The following PAFAH2 variants were observed in gnomAD, a reference collection of about 807,000 sequenced individuals.
PAFAH2 encodes the protein platelet-activating factor acetylhydrolase 2, cytoplasmic.
Under a neutral mutation model 49.0 loss-of-function variants are expected in PAFAH2, and 42 were observed. That is an observed-to-expected ratio of 0.86 (90% CI 0.67 to 1.11). The LOEUF (loss-of-function observed/expected upper bound fraction) is 1.11, where lower values mean the gene tolerates loss of function less well. Ranked by LOEUF, PAFAH2 falls within the 50% of genes least tolerant of loss-of-function variation. The pLI is 0.00. For missense variants in PAFAH2, 503 were observed against 501.8 expected, an observed-to-expected ratio of 1.00 and a Z score of -0.02; for synonymous variants, 184 against 181.3, an observed-to-expected ratio of 1.01 and a Z score of -0.12.
At chr1:25,964,328 T>C (rs1215614168) in intron 10 of PAFAH2, 1 of 152,260 alleles carries the variant, frequency 6.6e-6, no homozygotes, top group Admixed American at 6.5e-5. Flanking sequence ...AATACCATGA[T>C]TGAGGAAGCC....
intron 10 of PAFAH2, among the ~76,000 whole-genome samples, chr1:25,962,693 T>C (rs1362565646): frequency 6.6e-6 from 1 of 151,820 alleles, no homozygotes; most frequent in Non-Finnish European, 1.5e-5. Context: ...GGTATGGTGG[T>C]GTGTGCCTGA....
intron 3 of PAFAH2, 57 bp from the exon 4 acceptor site, chr1:25,988,384 G>T: frequency 7.5e-7 from 1 of 1,326,528 alleles, no homozygotes; most frequent in Non-Finnish European, 1.1e-6. Context: ...TATCCCAAGG[G>T]CAGCCTGAGT....
At chr1:25,989,920 G>A (rs1454598333) in intron 2 of PAFAH2, among the ~76,000 whole-genome samples, 2 of 152,156 alleles carry the variant, frequency 1.3e-5, no homozygotes, top group Non-Finnish European at 1.5e-5. Context: ...GCCTAGAGGA[G>A]CCCCAGGAGT....
intron 6 of PAFAH2, 71 bp from the exon 7 acceptor site, chr1:25,982,548 A>G: frequency 8.4e-7 from 1 of 1,194,736 alleles, no homozygotes; most frequent in African/African-American, 1.5e-5. Context: ...CCTCACGTAC[A>G]GAGCCAAGGA....
At chr1:25,963,935 C>T (rs1274373212) in intron 10 of PAFAH2, among the ~76,000 whole-genome samples, 3 of 152,288 alleles carry the variant, frequency 2.0e-5, no homozygotes, top group East Asian at 3.9e-4. Flanking sequence ...AGGAGCAGTG[C>T]AAAGGCCCTA....
At chr1:25,993,391 G>A (rs556677730) in intron 1 of PAFAH2, among the ~76,000 whole-genome samples, 5 of 152,078 alleles carry the variant, frequency 3.3e-5, no homozygotes, top group African/African-American at 7.2e-5. Context: ...CCTTCTCCGC[G>A]TACATACACG....
chr1:25,963,292 G>A (rs576698785), intron 10 of PAFAH2, among the ~76,000 whole-genome samples: 1 of 152,186 alleles, frequency 6.6e-6, no homozygotes, highest in African/African-American at 2.4e-5. Flanking sequence ...TCTGTTCTTT[G>A]AGCTAAAAAT....
In PAFAH2 at chr1:25,972,709, AC is replaced by A. The variant is rs773308241; in HGVS notation, c.932del (p.Gly311ValfsTer13). The A allele has an allele frequency of 6.2e-7, 1 of 1,613,952 alleles. No individual in the cohort carries two copies. Among genetic ancestry groups the A allele is most frequent in the African/African-American group, 1.3e-5 (1 of 75,048 alleles). On this transcript the variant is annotated frameshift_variant and splice_region_variant, in exon 10 of 11. Coordinates refer to ENST00000374282, the MANE Select transcript of PAFAH2 (RefSeq NM_000437.4). LOFTEE classifies it high-confidence loss of function. The part of the protein sequence containing the change: ...HEQSRIITVL[G>X]SVHRSQTDFA... ...AGTCAGTTTGACTCCGATGAACAGA[AC>A]CACTAGGGGAAAAGAAAAACAACTG... is the stretch of plus-strand genomic sequence containing the variant.
intron 4 of PAFAH2, 22 bp from the exon 5 acceptor site, chr1:25,984,550 A>C (rs766215656): frequency 1.3e-6 from 2 of 1,599,414 alleles, no homozygotes; most frequent in Admixed American, 3.3e-5. Flanking sequence ...AAAAGGAACA[A>C]GGAAAAGGGA....
intron 7 of PAFAH2, among the ~76,000 whole-genome samples, chr1:25,980,505 C>T (rs575890948): frequency 4.6e-5 from 7 of 151,098 alleles, no homozygotes; most frequent in South Asian, 2.1e-4. Flanking sequence ...GACGGGGTTT[C>T]GCCATGTTGG....
rs761312492 is a variant in PAFAH2, at chr1:25,989,589, G to A, written c.103C>T (p.Arg35Ter). 3.3e-5 allele frequency: 53 copies of A among 1,583,640 alleles called. 2 individuals carry two copies. Among genetic ancestry groups the A allele is most frequent in the South Asian group, 2.5e-4 (22 of 86,978 alleles). ...EGQNLQGSFF[R>*]LFYPCQKAEE... is the part of the protein sequence containing the mutation. ...GCCTTTTGGCAGGGGTAGAAGAGTC[G>A]AAAGAAGCTCCCCTGTAGGAAAGAA... Residue 35 changes from arginine to a stop codon, truncating the protein, a stop_gained, in exon 3 of 11, where the codon CGA (arginine) becomes TGA (stop). Transcript: ENST00000374282. LOFTEE classifies it high-confidence loss of function.
At chr1:25,991,517 C>CAG (rs1344080422) in intron 1 of PAFAH2, among the ~76,000 whole-genome samples, 2 of 148,764 alleles carry the variant, frequency 1.3e-5, no homozygotes, top group Non-Finnish European at 1.5e-5. Context: ...CTCCTGACCT[C>CAG]GTGATCTACC....
At chr1:25,963,623 C>T (rs2049374736) in intron 10 of PAFAH2, among the ~76,000 whole-genome samples, 1 of 152,214 alleles carries the variant, frequency 6.6e-6, no homozygotes, top group African/African-American at 2.4e-5. Context: ...CCTGCCTCAG[C>T]CTCCTAAGTA....
Position 25,988,272 on chromosome 1 carries a change from T to G in PAFAH2, c.300A>C (p.Gly100=). 1 of 1,610,030 alleles carries G rather than the reference T, an allele frequency of 6.2e-7. No individual in the cohort carries two copies. Among genetic ancestry groups the G allele is most frequent in the Non-Finnish European group, 8.5e-7 (1 of 1,178,248 alleles). The change falls in exon 4 of 11, where the codon GGA becomes GGC. Residue 100 remains glycine (G), a synonymous_variant. Transcript: ENST00000374282. ...WNGPFKTKDS[G]YPLIIFSHGL... Reference sequence around the variant, plus strand: ...CATGGGAGAAGATGATCAAGGGGTATCCAGAGTCCTTTGTCTTAAAGGGGC... The same window carrying G: ...CATGGGAGAAGATGATCAAGGGGTAGCCAGAGTCCTTTGTCTTAAAGGGGC...
intron 1 of PAFAH2, among the ~76,000 whole-genome samples, chr1:25,996,648 A>C (rs1427244496): frequency 2.6e-5 from 4 of 152,228 alleles, no homozygotes; most frequent in African/African-American, 4.8e-5. Flanking sequence ...TCTCAAAAAA[A>C]AAGAAATAGT....
chr1:25,961,905 T>C lies in PAFAH2; in HGVS notation c.*84A>G. ...TGTGAAAAGGGGTCACGTTGATCAC[T>C]TCTTGATAGGAGCTCATGGGTGCCC... On this transcript the variant is annotated 3_prime_UTR_variant, in exon 11 of 11. Coordinates refer to ENST00000374282, the MANE Select transcript of PAFAH2 (RefSeq NM_000437.4). 2.1e-6 allele frequency: 2 copies of C among 947,146 alleles called. No individual in the cohort carries two copies. The highest frequency in any genetic ancestry group is 1.7e-6 in the Non-Finnish European group (1 of 586,850). The allele number at this position is 947,146 out of a possible 1,614,324, so 58.7% of individuals were successfully genotyped here.
chr1:25,995,488 T>C (rs781652519), intron 1 of PAFAH2, among the ~76,000 whole-genome samples: 20 of 152,208 alleles, frequency 1.3e-4, no homozygotes, highest in Non-Finnish European at 2.4e-4. Context: ...ATCAGCAAAG[T>C]TTGAGAACCT....
At chr1:25,971,933 G>A (rs2049514914) in intron 10 of PAFAH2, among the ~76,000 whole-genome samples, 1 of 152,164 alleles carries the variant, frequency 6.6e-6, no homozygotes, top group African/African-American at 2.4e-5. Flanking sequence ...GGGCAATAAT[G>A]AGTCTGGGTA....
At chr1:25,972,734 T>C (rs1460636418) in intron 9 of PAFAH2, 22 bp from the exon 10 acceptor site, 1 of 1,613,814 alleles carries the variant, frequency 6.2e-7, no homozygotes, top group Non-Finnish European at 8.5e-7. Context: ...GAAAAACAAC[T>C]GGCAGGGGTC....
Sources: gnomAD v4.1 joint callset for allele counts (sites outside exome capture counted in the v4.1 genomes callset) on GRCh38, gnomAD v4.1.1 for gene constraint, MANE v1.5 for transcripts, NCBI Gene and HGNC (gene_info 2026-07-23, HGNC 2026-07-21) for gene names.